SORCS3: variants seen among roughly 807,000 people sequenced by gnomAD.
SORCS3 encodes VPS10 domain-containing receptor SorCS3.
SORCS3 carries 57 observed loss-of-function variants against 146.3 expected under a neutral mutation model. The observed-to-expected ratio is 0.39, with a 90% CI of 0.31 to 0.49. The LOEUF (loss-of-function observed/expected upper bound fraction) is 0.49. Ranked by LOEUF, SORCS3 falls within the 20% of genes least tolerant of loss-of-function variation. SORCS3 has a pLI of 0.92. For missense variants in SORCS3, 1,341 were observed against 1,575.5 expected (o/e 0.85, Z 2.52); for synonymous variants, 653 against 618.5 (o/e 1.06, Z -0.83).
intron 3 of SORCS3, among the ~76,000 whole-genome samples, chr10:104,966,695 G>A (rs1366576811): frequency 6.6e-6 from 1 of 152,106 alleles, no homozygotes; most frequent in Non-Finnish European, 1.5e-5. Flanking sequence ...ATTCATCAAT[G>A]ATATTGTAAG....
intron 7 of SORCS3, among the ~76,000 whole-genome samples, chr10:105,111,175 T>A (rs530080160): frequency 1.3e-5 from 2 of 152,178 alleles, no homozygotes; most frequent in Non-Finnish European, 2.9e-5. Flanking sequence ...TCTTATATAT[T>A]TTTTTCCTGC....
chr10:104,651,282 G>A (rs1336236803), intron 1 of SORCS3, among the ~76,000 whole-genome samples: 1 of 152,138 alleles, frequency 6.6e-6, no homozygotes, highest in Admixed American at 6.5e-5. Flanking sequence ...AGGTCCCTAA[G>A]CCACAGCAAT....
At chr10:105,239,141 G>A (rs989058001) in intron 20 of SORCS3, among the ~76,000 whole-genome samples, 2 of 152,144 alleles carry the variant, frequency 1.3e-5, no homozygotes, top group African/African-American at 4.8e-5. Flanking sequence ...TTTAAAACTA[G>A]TAGCTATAGA....
chr10:105,035,940 A>G (rs185409334), intron 4 of SORCS3, among the ~76,000 whole-genome samples: 1 of 152,200 alleles, frequency 6.6e-6, no homozygotes, highest in Non-Finnish European at 1.5e-5. Context: ...AGCTCATTTT[A>G]AAGTCCTCAT....
At chr10:104,895,047 C>T (rs1176617480) in intron 2 of SORCS3, among the ~76,000 whole-genome samples, 1 of 152,120 alleles carries the variant, frequency 6.6e-6, no homozygotes, top group East Asian at 1.9e-4. Flanking sequence ...GTGTGGGGCT[C>T]CAGTGTGGTA....
intron 20 of SORCS3, among the ~76,000 whole-genome samples, chr10:105,229,182 G>A (rs2056753078): frequency 6.6e-6 from 1 of 151,706 alleles, no homozygotes; most frequent in African/African-American, 2.4e-5. Flanking sequence ...GGGTTCTTCT[G>A]TTCAGAATTT....
At chr10:105,093,197 A>G (rs2055722360) in intron 6 of SORCS3, among the ~76,000 whole-genome samples, 1 of 152,186 alleles carries the variant, frequency 6.6e-6, no homozygotes, top group Non-Finnish European at 1.5e-5. Context: ...TTGGGCAGTA[A>G]TCTGGGGGAA....
intron 11 of SORCS3, among the ~76,000 whole-genome samples, chr10:105,160,830 C>T (rs2056256029): frequency 6.6e-6 from 1 of 152,156 alleles, no homozygotes; most frequent in Non-Finnish European, 1.5e-5. Flanking sequence ...GAAACTTGTC[C>T]TCCTGCTTTC....
chr10:104,869,518 C>G (rs2133566844), intron 2 of SORCS3, among the ~76,000 whole-genome samples: 1 of 152,302 alleles, frequency 6.6e-6, no homozygotes, highest in Admixed American at 6.5e-5. Context: ...CAGACACACT[C>G]AGAAATAATG....
chr10:105,254,827 A>G (rs1423006122), intron 23 of SORCS3, among the ~76,000 whole-genome samples: 4 of 151,952 alleles, frequency 2.6e-5, no homozygotes, highest in Admixed American at 2.6e-4. Flanking sequence ...GGGCCTCTGT[A>G]TATGCAGGTT....
chr10:105,072,401 C>T (rs912219916), intron 5 of SORCS3, among the ~76,000 whole-genome samples: 7 of 152,150 alleles, frequency 4.6e-5, no homozygotes, highest in Non-Finnish European at 8.8e-5. Context: ...AGAGAGGATT[C>T]CTGAGTGTCT....
At chr10:105,076,026 G>A (rs925114838) in intron 5 of SORCS3, among the ~76,000 whole-genome samples, 1 of 152,146 alleles carries the variant, frequency 6.6e-6, no homozygotes, top group Admixed American at 6.5e-5. Flanking sequence ...GTGCACATGT[G>A]TGCCTGTGTG....
intron 2 of SORCS3, among the ~76,000 whole-genome samples, chr10:104,912,970 C>T (rs915313231): frequency 6.6e-6 from 1 of 151,942 alleles, no homozygotes; most frequent in African/African-American, 2.4e-5. Flanking sequence ...ATGGATAGTT[C>T]GGACAAGGAG....
intron 3 of SORCS3, among the ~76,000 whole-genome samples, chr10:104,948,811 A>T (rs1019549440): frequency 2.0e-5 from 3 of 152,180 alleles, no homozygotes; most frequent in Non-Finnish European, 4.4e-5. Context: ...AGCATTGATT[A>T]TTCACAGTGA....
intron 4 of SORCS3, among the ~76,000 whole-genome samples, chr10:104,981,226 T>A (rs1351996094): frequency 6.6e-6 from 1 of 152,204 alleles, no homozygotes; most frequent in East Asian, 1.9e-4. Flanking sequence ...GCTCCTTCTC[T>A]GGCCTATAGA....
chr10:105,051,506 G>A (rs1286258946), intron 5 of SORCS3, among the ~76,000 whole-genome samples: 2 of 152,032 alleles, frequency 1.3e-5, no homozygotes, highest in African/African-American at 4.8e-5. Flanking sequence ...CCTGGACCAT[G>A]GTTCTTAAAG....
chr10:105,104,871 A>G (rs2055810259), intron 6 of SORCS3, among the ~76,000 whole-genome samples: 1 of 152,186 alleles, frequency 6.6e-6, no homozygotes, highest in Admixed American at 6.5e-5. Flanking sequence ...TAATTGCAGC[A>G]TAGTACTCTG....
At chr10:105,217,245 A>G in intron 19 of SORCS3, 123 bp downstream of exon 19, 1 of 853,804 alleles carries the variant, frequency 1.2e-6, no homozygotes, top group South Asian at 1.6e-5. Flanking sequence ...ACCCAAACCA[A>G]ATGGTGGAGA....
At chr10:105,101,446 C>T (rs997978219) in intron 6 of SORCS3, among the ~76,000 whole-genome samples, 5 of 152,158 alleles carry the variant, frequency 3.3e-5, no homozygotes, top group Non-Finnish European at 5.9e-5. Flanking sequence ...AAAATAAAAG[C>T]ATTGAGACTT....
Sources: gnomAD v4.1 joint callset for allele counts (sites outside exome capture counted in the v4.1 genomes callset) on GRCh38, gnomAD v4.1.1 for gene constraint, MANE v1.5 for transcripts, NCBI Gene and HGNC (gene_info 2026-07-23, HGNC 2026-07-21) for gene names.